The following ZNF280D variants were observed in gnomAD, a reference collection of about 807,000 sequenced individuals.
ZNF280D encodes suppressor of hairy wing homolog 4.
In ZNF280D, 39 loss-of-function variants were observed where a neutral mutation model predicts 94.7. The ratio of observed to expected loss-of-function variants is 0.41; its 90% CI spans 0.32 to 0.54. The LOEUF is 0.54. Ranked by LOEUF, ZNF280D falls within the 20% of genes least tolerant of loss-of-function variation. ZNF280D has a pLI of 0.22. For missense variants in ZNF280D, 1,090 were observed against 1,149.3 expected, an observed-to-expected ratio of 0.95 and a Z score of 0.75; for synonymous variants, 398 against 377.6, an observed-to-expected ratio of 1.05 and a Z score of -0.63.
At chr15:56,693,548 A>C (rs567292587) in intron 6 of ZNF280D, among the ~76,000 whole-genome samples, 11 of 152,190 alleles carry the variant, frequency 7.2e-5, no homozygotes, top group African/African-American at 2.4e-4. Flanking sequence ...AAGAAACATA[A>C]ATCAACTTAT....
At chr15:56,643,026 TTA>T (rs2052706765) in intron 19 of ZNF280D, 29 bp from the exon 20 acceptor site, 5 of 1,374,036 alleles carry the variant, frequency 3.6e-6, no homozygotes, top group Middle Eastern at 1.9e-4. Flanking sequence ...ATTGAATATT[TTA>T]TTTTATATGT....
chr15:56,635,884 A>ACTTTACATG (rs1313385583), intron 20 of ZNF280D: 1 of 152,194 alleles, frequency 6.6e-6, no homozygotes, highest in African/African-American at 2.4e-5. Context: ...TATATTAAGA[A>ACTTTACATG]CTTTACATGC....
chr15:56,676,914 G>A (rs2055271082), intron 12 of ZNF280D, 98 bp from the exon 13 acceptor site: 9 of 934,344 alleles, frequency 9.6e-6, no homozygotes, highest in Non-Finnish European at 3.2e-6. Flanking sequence ...AGAACATTAT[G>A]TACTACTAAT....
chr15:56,707,216 CTT>C (rs1448812664), intron 2 of ZNF280D, 45 bp downstream of exon 2: 5 of 1,597,880 alleles, frequency 3.1e-6, no homozygotes, highest in Non-Finnish European at 4.3e-6. Context: ...AAACATGAAA[CTT>C]GGGATTCACA....
At chr15:56,710,592 A>G (rs963038036) in intron 1 of ZNF280D, among the ~76,000 whole-genome samples, 20 of 152,202 alleles carry the variant, frequency 1.3e-4, no homozygotes, top group African/African-American at 4.1e-4. Flanking sequence ...ATAAATAATT[A>G]TAATTCCTAT....
intron 6 of ZNF280D, 35 bp downstream of exon 6, chr15:56,700,898 C>T: frequency 1.2e-6 from 2 of 1,613,618 alleles, no homozygotes; most frequent in Non-Finnish European, 1.7e-6. Flanking sequence ...TCCAATGGAT[C>T]CCTGAGCTGG....
At chr15:56,654,095 C>A (rs932359186) in intron 19 of ZNF280D, 103 bp downstream of exon 19, 33 of 1,499,860 alleles carry the variant, frequency 2.2e-5, no homozygotes, top group East Asian at 7.2e-5. Flanking sequence ...AAAAAAACAA[C>A]AACATACTTT....
In ZNF280D at chr15:56,689,961, C is replaced by CA. The variant is rs546391594; in HGVS notation, c.500-492_500-491insT. Among the ~76,000 whole-genome samples the CA allele has an allele frequency of 2.1e-3, 321 of 152,314 alleles. 8 individuals carry two copies. The East Asian group carries it at 0.056, about 26-fold the overall frequency. The stretch of plus-strand genomic sequence containing the variant: ...ATGTCTAATGGAAATTTAGTTCTTT[C>CA]CTACCTAACAAACTGAAGAGTAGGT... On this transcript the variant is annotated intron_variant, in intron 7 of 21. Transcript: ENST00000267807.
chr15:56,640,134 A>T (rs1223889386), intron 20 of ZNF280D, among the ~76,000 whole-genome samples: 1 of 152,180 alleles, frequency 6.6e-6, no homozygotes, highest in African/African-American at 2.4e-5. Flanking sequence ...GAAAAGGAAA[A>T]GAAATCATGG....
chr15:56,722,208 T>C (rs536918281), intron 1 of ZNF280D, among the ~76,000 whole-genome samples: 13 of 152,200 alleles, frequency 8.5e-5, no homozygotes, highest in African/African-American at 2.9e-4. Context: ...AATAGTAACA[T>C]TAAAGATCAC....
rs767641004 is a variant in ZNF280D at position 56,631,843 on chromosome 15, C to T, written c.2595G>A (p.Gln865=). Residue 865 remains glutamine (Q), a synonymous_variant, in exon 22 of 22, where the codon CAG becomes CAA. Coordinates refer to ENST00000267807, the MANE Select transcript of ZNF280D (RefSeq NM_017661.4). ...QSSENIILSD[Q]IKDHNSSEAR... ...CTTCACTGGAGTTGTGATCTTTAAT[C>T]TGATCAGATAAGATTATGTTTTCTG... The T allele has an allele frequency of 9.9e-6, 16 of 1,613,908 alleles. No individual in the cohort carries two copies. The highest frequency in any genetic ancestry group is 1.3e-5 in the Non-Finnish European group (15 of 1,180,014).
At chr15:56,720,174 A>G (rs551791098) in intron 1 of ZNF280D, among the ~76,000 whole-genome samples, 1 of 152,278 alleles carries the variant, frequency 6.6e-6, no homozygotes, top group African/African-American at 2.4e-5. Flanking sequence ...AATCCTCTCA[A>G]TCCTTGCTGG....
intron 6 of ZNF280D, 64 bp from the exon 7 acceptor site, chr15:56,693,279 T>C (rs1596526517): frequency 2.1e-6 from 1 of 470,696 alleles, no homozygotes; most frequent in Admixed American, 4.7e-5. Context: ...TTCAATATAA[T>C]TATATATTAT....
At chr15:56,716,819 A>C (rs1272663338) in intron 1 of ZNF280D, among the ~76,000 whole-genome samples, 3 of 152,192 alleles carry the variant, frequency 2.0e-5, no homozygotes, top group Non-Finnish European at 2.9e-5. Flanking sequence ...ACCCAACTCA[A>C]ACTGGCTTAT....
At chr15:56,702,779 T>C (rs1370672323) in intron 4 of ZNF280D, among the ~76,000 whole-genome samples, 1 of 151,986 alleles carries the variant, frequency 6.6e-6, no homozygotes, top group South Asian at 2.1e-4. Context: ...ATTCGATTGG[T>C]GAAATTACTC....
At chr15:56,639,995 A>G (rs2052548030) in intron 20 of ZNF280D, among the ~76,000 whole-genome samples, 1 of 152,100 alleles carries the variant, frequency 6.6e-6, no homozygotes, top group Non-Finnish European at 1.5e-5. Context: ...CACTGGAAAA[A>G]CTATTTCCAA....
chr15:56,680,462 C>T (rs565665308), intron 10 of ZNF280D, among the ~76,000 whole-genome samples: 6 of 152,120 alleles, frequency 3.9e-5, no homozygotes, highest in Non-Finnish European at 7.4e-5. Context: ...ATAAACATAA[C>T]CAAAAAAATG....
rs146370060 is a variant in ZNF280D, at chr15:56,646,584, T to C, written c.2214-3587A>G. On this transcript the variant is annotated intron_variant, in intron 19 of 21. Transcript: ENST00000267807. Reference sequence around the variant, plus strand: ...TTCTGATCATTTGTTCTGAGAATTATCAATATATTTATATGTGGAAAGGAT... The same window carrying C: ...TTCTGATCATTTGTTCTGAGAATTACCAATATATTTATATGTGGAAAGGAT... Among the ~76,000 whole-genome samples the C allele has an allele frequency of 2.0e-3, 298 of 152,342 alleles. 1 individual carries two copies. The highest frequency in any genetic ancestry group is 6.9e-3 in the African/African-American group (285 of 41,572).
Position 56,676,996 on chromosome 15 carries a change from C to T in ZNF280D, c.1264-180G>A, listed in dbSNP as rs146622290. Among the ~76,000 whole-genome samples the T allele has an allele frequency of 4.6e-5, 7 of 152,246 alleles. No homozygotes were observed. In the East Asian group the frequency reaches 9.7e-4, roughly 21 times the overall value. ...AAAAGACCATCTTTGAGACATTAAA[C>T]GTAGCTTTCAAAGTTAAGGGATACA... On this transcript the variant is annotated intron_variant, in intron 12 of 21. Transcript: ENST00000267807.
Sources: allele counts gnomAD v4.1 joint callset (sites outside exome capture counted in the v4.1 genomes callset), GRCh38; gene constraint gnomAD v4.1.1; transcripts MANE v1.5; gene names NCBI Gene and HGNC (gene_info 2026-07-23, HGNC 2026-07-21).